DDX60: variants seen among roughly 807,000 people sequenced by gnomAD.
DDX60 encodes the protein DExD/H-box helicase 60.
In DDX60, 165 loss-of-function variants were observed where a neutral mutation model predicts 212.8. The observed-to-expected ratio is 0.78, with a 90% CI of 0.68 to 0.88. The LOEUF (loss-of-function observed/expected upper bound fraction) is 0.88, where lower values mean the gene tolerates loss of function less well. Among genes scored for constraint, DDX60 ranks in the 40% least tolerant of loss-of-function variants. DDX60 has a pLI of 0.00. For missense variants in DDX60, 1,905 were observed against 2,003.9 expected, an observed-to-expected ratio of 0.95 and a Z score of 0.94; for synonymous variants, 703 against 685.3, an observed-to-expected ratio of 1.03 and a Z score of -0.40.
intron 16 of DDX60, among the ~76,000 whole-genome samples, chr4:168,274,517 G>A (rs1269859747): frequency 6.6e-6 from 1 of 152,104 alleles, no homozygotes; most frequent in Non-Finnish European, 1.5e-5. Context: ...CCCTTCAGCC[G>A]AAGAATGTTG....
intron 1 of DDX60, among the ~76,000 whole-genome samples, chr4:168,312,423 G>T (rs1737175100): frequency 1.3e-5 from 2 of 152,146 alleles, no homozygotes; most frequent in African/African-American, 4.8e-5. Context: ...GGCCATTGGT[G>T]TAGATGAGCT....
In DDX60 at chr4:168,267,837, A is replaced by G; in HGVS notation, c.2929+4T>C. ...CAAGCTTTATATAAATATATCAAAC[A>G]TACCAAGTCTAACTTTATACGATTG... On this transcript the variant is annotated splice_donor_region_variant and intron_variant, in intron 21 of 37. Coordinates refer to ENST00000393743, the MANE Select transcript of DDX60 (RefSeq NM_017631.6). The G allele has an allele frequency of 1.9e-6, 3 of 1,602,676 alleles. No homozygotes were observed. Among genetic ancestry groups the G allele is most frequent in the South Asian group, 1.1e-5 (1 of 87,888 alleles).
At chr4:168,255,657 A>G in intron 26 of DDX60, 54 bp downstream of exon 26, 1 of 1,430,652 alleles carries the variant, frequency 7.0e-7, no homozygotes, top group Non-Finnish European at 9.4e-7. Context: ...TCCTACTAGG[A>G]CTTGGGGAGT....
intron 37 of DDX60, among the ~76,000 whole-genome samples, chr4:168,219,293 CAA>C (rs35594263): frequency 1.4e-4 from 17 of 124,338 alleles, no homozygotes; most frequent in Admixed American, 2.4e-4. Flanking sequence ...TCTCCGTCTC[CAA>C]AAAAAAAAAA....
chr4:168,237,211 A>AC, intron 32 of DDX60, 75 bp downstream of exon 32: 1 of 1,028,404 alleles, frequency 9.7e-7, no homozygotes, highest in Non-Finnish European at 1.3e-6. Context: ...ATATTCCTGA[A>AC]GTGTTGTTTT....
At chr4:168,297,294 AGACG>A (rs1560869872) in intron 6 of DDX60, among the ~76,000 whole-genome samples, 66 of 129,702 alleles carry the variant, frequency 5.1e-4, no homozygotes, top group African/African-American at 2.1e-3. Context: ...AGAGAGAGAG[AGACG>A]AAAGAAAGAA....
At chr4:168,279,577 T>A (rs932660011) in intron 14 of DDX60, among the ~76,000 whole-genome samples, 7 of 152,220 alleles carry the variant, frequency 4.6e-5, no homozygotes, top group African/African-American at 1.7e-4. Context: ...TATAAATGCC[T>A]GCTGGAAGAA....
At chr4:168,217,231 C>T (rs142595544) in intron 37 of DDX60, among the ~76,000 whole-genome samples, 199 bp from the exon 38 acceptor site, 1 of 152,138 alleles carries the variant, frequency 6.6e-6, no homozygotes, top group Admixed American at 6.5e-5. Context: ...AACAAAACAA[C>T]CCCATGCAAT....
At position 168,272,041 on chromosome 4, in the gene DDX60, A is replaced by G; in HGVS notation, c.2670+2T>C. ...TAAGCAAAGAAAGAACACCAAACCT[A>G]CCTCATCAAATATAACATATCTGAT... On this transcript the variant is annotated splice_donor_variant, in intron 19 of 37. Coordinates refer to ENST00000393743, the MANE Select transcript of DDX60 (RefSeq NM_017631.6). LOFTEE classifies it high-confidence loss of function. The G allele has an allele frequency of 6.4e-7, 1 of 1,571,662 alleles. No homozygotes were observed. Among genetic ancestry groups the G allele is most frequent in the Non-Finnish European group, 8.7e-7 (1 of 1,155,474 alleles).
At chr4:168,273,168 T>C in intron 18 of DDX60, 111 bp downstream of exon 18, 3 of 1,129,888 alleles carry the variant, frequency 2.7e-6, no homozygotes, top group Non-Finnish European at 3.7e-6. Context: ...TTTCATAAAT[T>C]CAAATAAATT....
intron 16 of DDX60, among the ~76,000 whole-genome samples, chr4:168,275,100 G>A (rs750467155): frequency 2.3e-4 from 35 of 152,116 alleles, no homozygotes; most frequent in Non-Finnish European, 5.0e-4. Flanking sequence ...ATGACACTGA[G>A]ATAACATCAG....
intron 22 of DDX60, among the ~76,000 whole-genome samples, chr4:168,266,158 C>T (rs1054239587): frequency 3.3e-5 from 5 of 152,172 alleles, no homozygotes; most frequent in African/African-American, 4.8e-5. Context: ...AATGATGCAA[C>T]ACTGAGTTAG....
chr4:168,295,929 C>A (rs1205184899), intron 6 of DDX60, among the ~76,000 whole-genome samples: 1 of 152,114 alleles, frequency 6.6e-6, no homozygotes, highest in Non-Finnish European at 1.5e-5. Context: ...ACCAAATGAT[C>A]TCACTTATAT....
intron 1 of DDX60, among the ~76,000 whole-genome samples, chr4:168,317,321 A>G (rs1737438943): frequency 6.6e-6 from 1 of 152,268 alleles, no homozygotes; most frequent in Non-Finnish European, 1.5e-5. Context: ...CAAGAACCTT[A>G]TAAGGCTTAT....
At chr4:168,237,648 G>C in intron 31 of DDX60, 43 bp downstream of exon 31, 1 of 1,487,198 alleles carries the variant, frequency 6.7e-7, no homozygotes, top group Non-Finnish European at 9.3e-7. Context: ...AATCTAGATA[G>C]TAGTAATGCT....
intron 28 of DDX60, 87 bp from the exon 29 acceptor site, chr4:168,248,379 T>C: frequency 1.0e-6 from 1 of 974,012 alleles, no homozygotes. Flanking sequence ...TGAAAAACTC[T>C]TTGAGCTTCA....
intron 10 of DDX60, among the ~76,000 whole-genome samples, chr4:168,286,846 A>C (rs1471597836): frequency 1.3e-5 from 2 of 152,188 alleles, no homozygotes; most frequent in African/African-American, 4.8e-5. Flanking sequence ...AAACAATATT[A>C]ATTATAAGCA....
At chr4:168,241,868 A>G (rs72971491) in intron 30 of DDX60, among the ~76,000 whole-genome samples, 8,947 of 152,192 alleles carry the variant, frequency 0.059, 818 homozygotes, top group African/African-American at 0.2. Context: ...GGCATGTCAG[A>G]GACCTTTGTG....
chr4:168,291,938 A>T lies in DDX60; in HGVS notation c.883-32T>A. 7 of 1,542,832 alleles carry T rather than the reference A, an allele frequency of 4.5e-6. No homozygotes were observed. In the Middle Eastern group the frequency reaches 1.0e-3, roughly 230 times the overall value. ...AAAATAAAGAAGGTATAAGCCAGAG[A>T]ACAGCAGGGTGTGACATTGCATAAT... On this transcript the variant is annotated intron_variant, in intron 7 of 37. Coordinates refer to ENST00000393743, the MANE Select transcript of DDX60 (RefSeq NM_017631.6).
Sources: allele counts gnomAD v4.1 joint callset (sites outside exome capture counted in the v4.1 genomes callset), GRCh38; gene constraint gnomAD v4.1.1; transcripts MANE v1.5; gene names NCBI Gene and HGNC (gene_info 2026-07-23, HGNC 2026-07-21).